CBLB: variants seen among roughly 807,000 people sequenced by gnomAD.
CBLB encodes the protein E3 ubiquitin-protein ligase CBL-B.
CBLB carries 31 observed loss-of-function variants against 104.9 expected under a neutral mutation model. That is an observed-to-expected ratio of 0.30 (90% CI 0.22 to 0.40). The LOEUF (loss-of-function observed/expected upper bound fraction) is 0.40. Among genes scored for constraint, CBLB ranks in the 10% least tolerant of loss-of-function variants. The pLI, the probability that CBLB is intolerant of heterozygous loss-of-function variation, is 1.00. For missense variants in CBLB, 1,062 were observed against 1,214.6 expected, an observed-to-expected ratio of 0.87 and a Z score of 1.87; for synonymous variants, 440 against 422.6, an observed-to-expected ratio of 1.04 and a Z score of -0.51.
intron 3 of CBLB, among the ~76,000 whole-genome samples, chr3:105,799,435 T>G (rs1258902176): frequency 6.6e-6 from 1 of 152,160 alleles, no homozygotes; most frequent in African/African-American, 2.4e-5. Flanking sequence ...AGGCAACAGT[T>G]GCATCATGAA....
chr3:105,702,492 A>C lies in CBLB; in HGVS notation c.1594-33T>G, dbSNP rs1559881858. On this transcript the variant is annotated intron_variant, in intron 11 of 18. Coordinates refer to ENST00000394030, the MANE Select transcript of CBLB (RefSeq NM_170662.5). ...AACAGAAGAGAAAAAAAAAAAAAAA[A>C]AAAAAAACTAAAGGTTGTACCATGC... 5.4e-6 allele frequency: 8 copies of C among 1,477,548 alleles called. No individual in the cohort carries two copies. The East Asian group carries it at 1.0e-4, about 19-fold the overall frequency. The allele number at this position is 1,477,548 out of a possible 1,614,324, so 91.5% of individuals were successfully genotyped here.
At chr3:105,685,277 G>A (rs1490678973) in intron 14 of CBLB, 43 bp downstream of exon 14, 20 of 1,519,406 alleles carry the variant, frequency 1.3e-5, no homozygotes, top group Admixed American at 1.7e-5. Flanking sequence ...AAATGATAAT[G>A]CTTATGCAGA....
intron 3 of CBLB, among the ~76,000 whole-genome samples, chr3:105,834,161 A>G (rs1311850702): frequency 2.5e-5 from 2 of 81,632 alleles, no homozygotes; most frequent in East Asian, 3.3e-4. Flanking sequence ...GACCGGAGAC[A>G]TAAGTTCAAG....
chr3:105,844,707 A>C (rs1161685696), intron 3 of CBLB, among the ~76,000 whole-genome samples: 2 of 152,218 alleles, frequency 1.3e-5, no homozygotes, highest in Non-Finnish European at 2.9e-5. Flanking sequence ...ACAATCAGAC[A>C]TGAATACTAT....
intron 4 of CBLB, among the ~76,000 whole-genome samples, chr3:105,772,198 C>T (rs558688113): frequency 7.2e-5 from 11 of 152,186 alleles, no homozygotes; most frequent in South Asian, 2.1e-4. Context: ...TGGAACAGAA[C>T]AGAGAACCCA....
rs2063438060 is a variant in CBLB, at chr3:105,657,693, C to T, written c.*1277G>A. 1 of 205,074 alleles carries T rather than the reference C, an allele frequency of 4.9e-6. No homozygotes were observed. The highest frequency in any genetic ancestry group is 1.0e-5 in the Non-Finnish European group (1 of 100,376). 12.7% of individuals were successfully genotyped at this position (205,074 alleles called of 1,614,324 possible). A position where few individuals can be genotyped will look rare whatever the true frequency, so the allele number is the denominator to read the frequency against. On this transcript the variant is annotated 3_prime_UTR_variant, in exon 19 of 19. Transcript: ENST00000394030. Reference sequence around the variant, plus strand: ...AATAACATGGTGTTTAAAGAACCAACCACCATTTTGTAAAATAGGCAAAAC... The same window carrying T: ...AATAACATGGTGTTTAAAGAACCAATCACCATTTTGTAAAATAGGCAAAAC...
At chr3:105,758,795 G>C (rs1223211258) in intron 4 of CBLB, among the ~76,000 whole-genome samples, 1 of 152,224 alleles carries the variant, frequency 6.6e-6, no homozygotes, top group Non-Finnish European at 1.5e-5. Flanking sequence ...CCTGTGTCTG[G>C]AGGAGGGGAA....
At chr3:105,733,496 T>A (rs767677425) in intron 9 of CBLB, among the ~76,000 whole-genome samples, 4 of 152,158 alleles carry the variant, frequency 2.6e-5, no homozygotes, top group Admixed American at 2.6e-4. Context: ...CTTCAGTAAA[T>A]AGGGAACTTT....
At chr3:105,835,724 C>A (rs2088377616) in intron 3 of CBLB, among the ~76,000 whole-genome samples, 1 of 152,112 alleles carries the variant, frequency 6.6e-6, no homozygotes, top group Non-Finnish European at 1.5e-5. Flanking sequence ...AATTAAAATT[C>A]TTGACAGCAG....
intron 3 of CBLB, among the ~76,000 whole-genome samples, chr3:105,785,881 T>C (rs758596710): frequency 2.8e-4 from 42 of 152,168 alleles, no homozygotes; most frequent in Non-Finnish European, 5.4e-4. Context: ...TGATCTGATA[T>C]AGATACCTCA....
rs962854985 is a variant in CBLB at position 105,658,190 on chromosome 3, C to T, written c.*780G>A. ...ATATTGTAGATTTTTACAGTTGTGA[C>T]ACCCCTGGGATGACAGACATGAGAA... On this transcript the variant is annotated 3_prime_UTR_variant, in exon 19 of 19. Coordinates refer to ENST00000394030, the MANE Select transcript of CBLB (RefSeq NM_170662.5). 3 of 215,690 alleles carry T rather than the reference C, an allele frequency of 1.4e-5. No individual in the cohort carries two copies. The highest frequency in any genetic ancestry group is 2.8e-5 in the Non-Finnish European group (3 of 106,860). 13.4% of individuals were successfully genotyped at this position (215,690 alleles called of 1,614,324 possible).
chr3:105,702,115 A>C lies in CBLB; in HGVS notation c.1938T>G (p.Asp646Glu), dbSNP rs755439098. 1 of 1,614,142 alleles carries C rather than the reference A, an allele frequency of 6.2e-7. No individual in the cohort carries two copies. The highest frequency in any genetic ancestry group is 8.5e-7 in the Non-Finnish European group (1 of 1,180,016). Reference protein sequence around the residue: ...PVLMRKHRRHDLPLEGAKVFS... With the variant: ...PVLMRKHRRHELPLEGAKVFS... Reference sequence around the variant, plus strand: ...TTACCTTAGCTCCTTCTAAAGGCAAATCATGGCGTCTGTGTTTCCGCATAA... The same window carrying C: ...TTACCTTAGCTCCTTCTAAAGGCAACTCATGGCGTCTGTGTTTCCGCATAA... Residue 646 changes from aspartate (D) to glutamate (E), a missense_variant, in exon 12 of 19, where the codon GAT becomes GAG. Asp to Glu is a conservative substitution (Grantham distance 45). This residue lies in a region of CBLB where 605 missense variants were observed against 582.6 expected (regional missense o/e 1.04). Transcript: ENST00000394030.
Position 105,693,635 on chromosome 3 carries a change from G to A in CBLB, c.1960-47C>T, listed in dbSNP as rs1304546682. On this transcript the variant is annotated intron_variant, in intron 12 of 18. Transcript: ENST00000394030. ...AGTTTCCAAGAATTTAACTTCTGAAGGACCTTAAAGCCATAGCTGCTCTAC... is the reference window on the plus strand; with the variant it reads ...AGTTTCCAAGAATTTAACTTCTGAAAGACCTTAAAGCCATAGCTGCTCTAC... 5 of 1,287,596 alleles carry A rather than the reference G, an allele frequency of 3.9e-6. No homozygotes were observed. In the Admixed American group the frequency reaches 5.2e-5, roughly 13 times the overall value. The allele number at this position is 1,287,596 out of a possible 1,614,324, so 79.8% of individuals were successfully genotyped here. A position where few individuals can be genotyped will look rare whatever the true frequency, so the allele number is the denominator to read the frequency against.
rs532346578 is a variant in CBLB at position 105,737,862 on chromosome 3, G to A, written c.984-604C>T. Among the ~76,000 whole-genome samples, 63 of 152,124 alleles carry A rather than the reference G, an allele frequency of 4.1e-4. 1 individual carries two copies. The highest frequency in any genetic ancestry group is 6.8e-3 in the Middle Eastern group (2 of 294). On this transcript the variant is annotated intron_variant, in intron 7 of 18. Transcript: ENST00000394030. ...ATTTTAAAAAATTAGAAAATGTTAC[G>A]TTTCCATGTTTCATTGACTTAACAC...
At chr3:105,820,562 T>C (rs962641879) in intron 3 of CBLB, among the ~76,000 whole-genome samples, 2 of 152,198 alleles carry the variant, frequency 1.3e-5, no homozygotes, top group South Asian at 2.1e-4. Flanking sequence ...CACTCATTCC[T>C]TCTTTGTTCC....
At chr3:105,764,957 G>A (rs1382845547) in intron 4 of CBLB, among the ~76,000 whole-genome samples, 1 of 152,210 alleles carries the variant, frequency 6.6e-6, no homozygotes, top group African/African-American at 2.4e-5. Context: ...ATTCTGTGAA[G>A]GGTAAGAGAA....
intron 18 of CBLB, among the ~76,000 whole-genome samples, chr3:105,667,486 T>C (rs1473865028): frequency 6.6e-6 from 1 of 152,168 alleles, no homozygotes; most frequent in African/African-American, 2.4e-5. Flanking sequence ...TATATACCGA[T>C]ATATGTGAAT....
intron 2 of CBLB, among the ~76,000 whole-genome samples, chr3:105,865,980 T>C (rs1438377803): frequency 6.6e-6 from 1 of 152,236 alleles, no homozygotes; most frequent in Non-Finnish European, 1.5e-5. Context: ...ATTTTTCCAA[T>C]TGAATAGTCC....
At chr3:105,850,208 T>C (rs899434605) in intron 3 of CBLB, among the ~76,000 whole-genome samples, 7 of 152,124 alleles carry the variant, frequency 4.6e-5, no homozygotes, top group African/African-American at 1.7e-4. Flanking sequence ...GAGAAAATTA[T>C]AAATTATAAA....
Sources: allele counts gnomAD v4.1 joint callset (sites outside exome capture counted in the v4.1 genomes callset), GRCh38; gene constraint gnomAD v4.1.1; regional missense constraint gnomAD v4.1.1; transcripts MANE v1.5; gene names NCBI Gene and HGNC (gene_info 2026-07-23, HGNC 2026-07-21).